Variants in RBFOX1 observed in about 807,000 individuals in gnomAD.
The protein encoded by RBFOX1 is RNA binding fox-1 homolog 1.
RBFOX1 carries 8 observed loss-of-function variants against 57.7 expected under a neutral mutation model. That is an observed-to-expected ratio of 0.14 (90% CI 0.08 to 0.25). RBFOX1 has a LOEUF of 0.25. Among genes scored for constraint, RBFOX1 ranks in the 10% least tolerant of loss-of-function variants. The pLI is 1.00. For missense variants in RBFOX1, 611 were observed against 548.5 expected (o/e 1.11, Z -1.14); for synonymous variants, 326 against 222.4 (o/e 1.47, Z -4.15).
chr16:6,825,830 C>G (rs567375619), intron 3 of RBFOX1, among the ~76,000 whole-genome samples: 1 of 152,174 alleles, frequency 6.6e-6, no homozygotes, highest in South Asian at 2.1e-4. Flanking sequence ...CAGGAACTTG[C>G]ATCTTCCATC....
chr16:5,436,657 G>A (rs1048225580), intron 1 of RBFOX1, among the ~76,000 whole-genome samples: 8 of 152,150 alleles, frequency 5.3e-5, no homozygotes, highest in African/African-American at 1.4e-4. Context: ...GGCCAACATG[G>A]TGAAACCCCA....
intron 1 of RBFOX1, among the ~76,000 whole-genome samples, chr16:5,241,821 C>T (rs1438242276): frequency 2.0e-5 from 3 of 152,080 alleles, no homozygotes; most frequent in Non-Finnish European, 4.4e-5. Context: ...AGGTTCTTGG[C>T]CGGGCGTGGT....
At chr16:6,326,062 G>A (rs1162492901) in intron 2 of RBFOX1, among the ~76,000 whole-genome samples, 4 of 152,066 alleles carry the variant, frequency 2.6e-5, no homozygotes, top group Non-Finnish European at 4.4e-5. Context: ...GCAGAAAATC[G>A]GTTAACTCTT....
intron 1 of RBFOX1, chr16:5,261,001 T>C (rs1296339255): frequency 6.6e-6 from 1 of 152,230 alleles, no homozygotes; most frequent in Non-Finnish European, 1.5e-5. Context: ...GAGCGGTCGA[T>C]TGGTCATGAA....
At chr16:6,534,628 C>T (rs545370526) in intron 2 of RBFOX1, among the ~76,000 whole-genome samples, 28 of 152,124 alleles carry the variant, frequency 1.8e-4, no homozygotes, top group African/African-American at 2.9e-4. Flanking sequence ...GTCACAAGAC[C>T]GCAATCTACC....
intron 4 of RBFOX1, among the ~76,000 whole-genome samples, chr16:7,097,578 A>G (rs766748435): frequency 3.3e-5 from 5 of 152,184 alleles, no homozygotes; most frequent in African/African-American, 1.2e-4. Context: ...ATCTGCCTCA[A>G]ATAATCAAAT....
At chr16:5,928,507 C>G (rs940128096) in intron 4 of RBFOX1, among the ~76,000 whole-genome samples, 1 of 151,702 alleles carries the variant, frequency 6.6e-6, no homozygotes, top group African/African-American at 2.4e-5. Context: ...CATGTTGTAC[C>G]CCATAAACAT....
chr16:5,717,992 C>T (rs1324145605), intron 3 of RBFOX1, among the ~76,000 whole-genome samples: 1 of 152,190 alleles, frequency 6.6e-6, no homozygotes, highest in South Asian at 2.1e-4. Context: ...TGCATCTACA[C>T]TTTCTCATGA....
rs568892900 is a variant in RBFOX1 at position 6,009,355 on chromosome 16, C to T, written c.351+142020C>T. On this transcript the variant is annotated intron_variant, in intron 4 of 19. Transcript: ENST00000641259. ...AGTAGGGCTTTGATACAAAGAAGCA[C>T]GTTCCACAGGGCTTGACTGCCTCCA... Among the ~76,000 whole-genome samples, 30 of 152,288 alleles carry T rather than the reference C, an allele frequency of 2.0e-4. No homozygotes were observed. The South Asian group carries it at 4.6e-3, about 23-fold the overall frequency.
At chr16:7,208,876 C>G (rs1472937790) in intron 4 of RBFOX1, among the ~76,000 whole-genome samples, 1 of 152,086 alleles carries the variant, frequency 6.6e-6, no homozygotes, top group African/African-American at 2.4e-5. Flanking sequence ...CCCACCAGTT[C>G]TCCTAAGGAC....
intron 1 of RBFOX1, among the ~76,000 whole-genome samples, chr16:6,080,934 G>C (rs1040391961): frequency 1.3e-5 from 2 of 152,114 alleles, no homozygotes; most frequent in African/African-American, 4.8e-5. Flanking sequence ...TCTGCATTTG[G>C]AAACACCCAG....
At chr16:7,690,551 T>C (rs372797948) in intron 14 of RBFOX1, among the ~76,000 whole-genome samples, 4 of 152,142 alleles carry the variant, frequency 2.6e-5, no homozygotes, top group Admixed American at 1.3e-4. Flanking sequence ...TTCACGGGTC[T>C]GTGTTGAGAG....
At chr16:6,527,512 T>C (rs1230676711) in intron 2 of RBFOX1, among the ~76,000 whole-genome samples, 1 of 152,198 alleles carries the variant, frequency 6.6e-6, no homozygotes, top group Non-Finnish European at 1.5e-5. Context: ...TATGGATTTT[T>C]GGTTATGTTT....
intron 3 of RBFOX1, among the ~76,000 whole-genome samples, chr16:6,864,280 G>T (rs1054330569): frequency 1.3e-5 from 2 of 152,024 alleles, no homozygotes; most frequent in African/African-American, 4.8e-5. Flanking sequence ...TCAAAAATAA[G>T]AAATTAGAGA....
At chr16:7,234,393 A>C (rs568751721) in intron 4 of RBFOX1, among the ~76,000 whole-genome samples, 1 of 152,250 alleles carries the variant, frequency 6.6e-6, no homozygotes, top group South Asian at 2.1e-4. Flanking sequence ...AAAACCACAA[A>C]GTGGGAAAAG....
chr16:6,447,963 A>T (rs987655929), intron 2 of RBFOX1, among the ~76,000 whole-genome samples: 1 of 127,848 alleles, frequency 7.8e-6, no homozygotes, highest in Non-Finnish European at 1.6e-5. Context: ...CAATAACAAG[A>T]TATTTCAGAC....
At chr16:5,537,939 C>T (rs1039038712) in intron 2 of RBFOX1, among the ~76,000 whole-genome samples, 1 of 152,178 alleles carries the variant, frequency 6.6e-6, no homozygotes, top group African/African-American at 2.4e-5. Flanking sequence ...CTCCCTCCCA[C>T]AAGAGTTACA....
intron 1 of RBFOX1, among the ~76,000 whole-genome samples, chr16:6,077,462 G>C (rs1289638291): frequency 6.6e-6 from 1 of 152,168 alleles, no homozygotes; most frequent in African/African-American, 2.4e-5. Flanking sequence ...ACCAGGAAGG[G>C]AGAATGAGAA....
At chr16:6,013,423 T>C (rs575441463) in intron 4 of RBFOX1, among the ~76,000 whole-genome samples, 1 of 152,196 alleles carries the variant, frequency 6.6e-6, no homozygotes, top group African/African-American at 2.4e-5. Context: ...TGAACCTCCC[T>C]TTGTATTTTT....
Sources: gnomAD v4.1 joint callset for allele counts (sites outside exome capture counted in the v4.1 genomes callset) on GRCh38, gnomAD v4.1.1 for gene constraint, MANE v1.5 for transcripts, NCBI Gene and HGNC (gene_info 2026-07-23, HGNC 2026-07-21) for gene names.